RGS12: variants seen among roughly 807,000 people sequenced by gnomAD.
RGS12 encodes regulator of G protein signaling 12.
RGS12 carries 66 observed loss-of-function variants against 120.1 expected under a neutral mutation model. The ratio of observed to expected loss-of-function variants is 0.55; its 90% CI spans 0.45 to 0.67. RGS12 has a LOEUF of 0.67. RGS12 is among the 30% of genes least tolerant of loss of function. The pLI, the probability that RGS12 is intolerant of heterozygous loss-of-function variation, is 0.00. For synonymous variants in RGS12, 827 were observed against 804.7 expected, an observed-to-expected ratio of 1.03 and a Z score of -0.47; for missense variants, 1,859 against 1,957.7, an observed-to-expected ratio of 0.95 and a Z score of 0.95.
intron 1 of RGS12, among the ~76,000 whole-genome samples, chr4:3,307,806 C>T (rs1020312739): frequency 2.6e-5 from 4 of 152,198 alleles, no homozygotes; most frequent in Non-Finnish European, 5.9e-5. Context: ...GGTGTTTGGG[C>T]GGGAGACGCG....
intron 2 of RGS12, among the ~76,000 whole-genome samples, chr4:3,327,045 T>G (rs1725591855): frequency 1.3e-5 from 2 of 152,232 alleles, no homozygotes; most frequent in South Asian, 4.1e-4. Flanking sequence ...GATATTACAT[T>G]ACCTGACTTC....
chr4:3,307,174 G>A (rs560930310), intron 1 of RGS12, among the ~76,000 whole-genome samples: 66 of 152,302 alleles, frequency 4.3e-4, no homozygotes, highest in South Asian at 3.1e-3. Flanking sequence ...TGCTTTTCTG[G>A]TCCTAGGATA....
At chr4:3,335,784 A>G (rs1404457123) in intron 2 of RGS12, among the ~76,000 whole-genome samples, 2 of 151,600 alleles carry the variant, frequency 1.3e-5, no homozygotes, top group Non-Finnish European at 2.9e-5. Flanking sequence ...GAGACTCCCA[A>G]CTCTAAAAAT....
In RGS12 at chr4:3,316,293, C is replaced by T; in HGVS notation, c.123C>T (p.Pro41=). The part of the protein sequence containing the change: ...GYGFTLSGQA[P]CVLSCVMRGS... ...GATTCACGCTTTCGGGACAGGCACCCTGTGTGCTCAGCTGCGTCATGAGAG... is the reference window on the plus strand; with the variant it reads ...GATTCACGCTTTCGGGACAGGCACCTTGTGTGCTCAGCTGCGTCATGAGAG... The change falls in exon 2 of 18, where the codon CCC becomes CCT. Residue 41 remains proline, a synonymous_variant. Coordinates refer to ENST00000336727, the MANE Select transcript of RGS12 (RefSeq NM_001394154.1). The T allele has an allele frequency of 1.2e-6, 2 of 1,614,074 alleles. No homozygotes were observed. Among genetic ancestry groups the T allele is most frequent in the Non-Finnish European group, 1.7e-6 (2 of 1,179,988 alleles).
At chr4:3,398,684 T>A (rs1188651315) in intron 4 of RGS12, among the ~76,000 whole-genome samples, 3 of 151,656 alleles carry the variant, frequency 2.0e-5, no homozygotes, top group Non-Finnish European at 4.4e-5. Context: ...CATGGGTAAG[T>A]ACTCCGAGGG....
intron 2 of RGS12, among the ~76,000 whole-genome samples, chr4:3,333,826 C>T (rs761807358): frequency 3.9e-5 from 6 of 152,150 alleles, no homozygotes; most frequent in Non-Finnish European, 5.9e-5. Context: ...ACAAATTCCC[C>T]GAAATGCTAT....
chr4:3,421,323 T>C (rs1722996935), intron 10 of RGS12, among the ~76,000 whole-genome samples: 1 of 152,228 alleles, frequency 6.6e-6, no homozygotes, highest in South Asian at 2.1e-4. Context: ...TCCTGGTCAT[T>C]TGAAATTTTC....
At chr4:3,419,049 G>A (rs1338900456) in intron 9 of RGS12, 4 of 151,074 alleles carry the variant, frequency 2.6e-5, no homozygotes, top group Non-Finnish European at 5.9e-5. Flanking sequence ...AAAAATTAGG[G>A]GCCAGGCACG....
intron 14 of RGS12, among the ~76,000 whole-genome samples, chr4:3,427,852 A>C (rs1458892382): frequency 6.6e-6 from 1 of 152,232 alleles, no homozygotes; most frequent in African/African-American, 2.4e-5. Flanking sequence ...CAATTTCAAC[A>C]TCACTCCTCC....
chr4:3,432,888 G>T (rs1560182357), intron 17 of RGS12, among the ~76,000 whole-genome samples: 1 of 152,230 alleles, frequency 6.6e-6, no homozygotes, highest in African/African-American at 2.4e-5. Flanking sequence ...TGTCCTCCAC[G>T]TGCCTGTCCG....
chr4:3,307,722 C>T (rs1037990288), intron 1 of RGS12, among the ~76,000 whole-genome samples: 10 of 152,216 alleles, frequency 6.6e-5, no homozygotes, highest in Admixed American at 5.2e-4. Flanking sequence ...ATGGAGAGAG[C>T]GCTCCCCACT....
chr4:3,365,017 C>G lies in RGS12; in HGVS notation c.1999-21399C>G, dbSNP rs1339964390. On this transcript the variant is annotated intron_variant, in intron 3 of 17. Coordinates refer to ENST00000336727, the MANE Select transcript of RGS12 (RefSeq NM_001394154.1). This position sits in a 1 kb window ranked among gnomAD's most constrained non-coding sequence, Gnocchi z 4.0. ...GAGCCTCCTGCACCCAGGGCAGAAG[C>G]TGCACCTTTCCAGGGGAGCAGAAGG... 2.0e-5 allele frequency among the ~76,000 whole-genome samples: 3 copies of G among 152,092 alleles called. No homozygotes were observed. Among genetic ancestry groups the G allele is most frequent in the African/African-American group, 7.2e-5 (3 of 41,404 alleles).
At chr4:3,377,784 G>A (rs115275999) in intron 3 of RGS12, among the ~76,000 whole-genome samples, 1,715 of 152,306 alleles carry the variant, frequency 0.011, 26 homozygotes, top group African/African-American at 0.038. Flanking sequence ...GAGCTGCCGC[G>A]TTCAAGAGAC....
At chr4:3,434,236 A>G (rs1724598812) in intron 17 of RGS12, among the ~76,000 whole-genome samples, 1 of 152,138 alleles carries the variant, frequency 6.6e-6, no homozygotes. Context: ...AGACGCTTAT[A>G]AAACCATCAG....
chr4:3,292,743 A>C (rs986866885), upstream of RGS12, among the ~76,000 whole-genome samples: 1 of 152,140 alleles, frequency 6.6e-6, no homozygotes, highest in Non-Finnish European at 1.5e-5. Flanking sequence ...GTGCGGGTAC[A>C]CACCGTGCGC....
intron 3 of RGS12, among the ~76,000 whole-genome samples, chr4:3,362,904 AGT>A (rs1162821332): frequency 2.2e-5 from 3 of 135,444 alleles, no homozygotes; most frequent in Admixed American, 7.4e-5. Flanking sequence ...CATCAGTGTG[AGT>A]GTGCATGGCA....
chr4:3,432,514 C>T (rs906854106), intron 17 of RGS12, among the ~76,000 whole-genome samples: 4 of 152,186 alleles, frequency 2.6e-5, no homozygotes, highest in Non-Finnish European at 5.9e-5. Context: ...ACAGGTGTGG[C>T]GTGTGTCAGG....
At chr4:3,393,613 T>G (rs977946215) in intron 4 of RGS12, among the ~76,000 whole-genome samples, 1 of 152,216 alleles carries the variant, frequency 6.6e-6, no homozygotes, top group Non-Finnish European at 1.5e-5. Flanking sequence ...TTCTGGTGAC[T>G]GTGGTCCAAT....
chr4:3,320,389 G>A (rs915363355), intron 2 of RGS12, among the ~76,000 whole-genome samples: 1 of 152,218 alleles, frequency 6.6e-6, no homozygotes, highest in African/African-American at 2.4e-5. Flanking sequence ...AGGGGAGCTA[G>A]CATGTCCTCA....
Sources: gnomAD v4.1 joint callset for allele counts (sites outside exome capture counted in the v4.1 genomes callset) on GRCh38, gnomAD v4.1.1 for gene constraint, Gnocchi (gnomAD v3.1) non-coding constraint, MANE v1.5 for transcripts, NCBI Gene and HGNC (gene_info 2026-07-23, HGNC 2026-07-21) for gene names.